Variants in CLEC2B observed in about 807,000 individuals in gnomAD.
CLEC2B encodes the protein C-type lectin domain family 2 member B.
A neutral mutation model predicts 16.2 loss-of-function variants in CLEC2B; 14 were observed. That is an observed-to-expected ratio of 0.86 (90% CI 0.57 to 1.35). The LOEUF (loss-of-function observed/expected upper bound fraction) is 1.35. CLEC2B is among the 40% of genes most tolerant of loss of function. The pLI, the probability that CLEC2B is intolerant of heterozygous loss-of-function variation, is 0.00. For synonymous variants in CLEC2B, 42 were observed against 55.8 expected, an observed-to-expected ratio of 0.75 and a Z score of 1.10; for missense variants, 166 against 182.3, an observed-to-expected ratio of 0.91 and a Z score of 0.52.
chr12:9,862,378 T>C (rs1867939521), intron 2 of CLEC2B, 121 bp downstream of exon 2: 5 of 901,390 alleles, frequency 5.5e-6, no homozygotes, highest in Non-Finnish European at 7.7e-6. Context: ...TTGTACCAAT[T>C]AAATGTTATC....
intron 1 of CLEC2B, among the ~76,000 whole-genome samples, chr12:9,863,160 G>A (rs1867946158): frequency 6.6e-6 from 1 of 151,998 alleles, no homozygotes. Flanking sequence ...CACACTACTG[G>A]GATATCCCCT....
chr12:9,857,725 T>A, intron 2 of CLEC2B, 88 bp from the exon 3 acceptor site: 1 of 1,013,746 alleles, frequency 9.9e-7, no homozygotes, highest in Non-Finnish European at 1.5e-6. Context: ...GTTTTTGATG[T>A]AAAAGATTAT....
At chr12:9,859,774 T>C (rs1867920323) in intron 2 of CLEC2B, among the ~76,000 whole-genome samples, 1 of 151,830 alleles carries the variant, frequency 6.6e-6, no homozygotes, top group South Asian at 2.1e-4. Flanking sequence ...AGATCTTTTA[T>C]GAAGACGTAG....
At chr12:9,854,180 TAGG>T (rs1472565053) in intron 4 of CLEC2B, among the ~76,000 whole-genome samples, 198 bp downstream of exon 4, 1 of 152,162 alleles carries the variant, frequency 6.6e-6, no homozygotes, top group East Asian at 1.9e-4. Context: ...AATAGCCAAC[TAGG>T]AGATCTGTTC....
At chr12:9,861,187 A>G (rs959721016) in intron 2 of CLEC2B, among the ~76,000 whole-genome samples, 2 of 152,012 alleles carry the variant, frequency 1.3e-5, no homozygotes, top group African/African-American at 4.8e-5. Context: ...TATAAACTAC[A>G]AAGAGTCTCA....
At chr12:9,857,700 G>T in intron 2 of CLEC2B, 63 bp from the exon 3 acceptor site, 2 of 1,261,224 alleles carry the variant, frequency 1.6e-6, no homozygotes, top group Non-Finnish European at 1.1e-6. Context: ...TGTGTTTTGA[G>T]ATCACTGGAC....
At chr12:9,857,703 C>G in intron 2 of CLEC2B, 66 bp from the exon 3 acceptor site, 1 of 1,218,936 alleles carries the variant, frequency 8.2e-7, no homozygotes, top group South Asian at 1.3e-5. Flanking sequence ...GTTTTGAGAT[C>G]ACTGGACACA....
At chr12:9,864,680 C>G (rs1867957645) in intron 1 of CLEC2B, among the ~76,000 whole-genome samples, 1 of 151,742 alleles carries the variant, frequency 6.6e-6, no homozygotes, top group South Asian at 2.1e-4. Flanking sequence ...AATCACAATG[C>G]AAAACCTATA....
Position 9,866,614 on chromosome 12 carries a change from G to A in CLEC2B, c.-3+2591C>T, listed in dbSNP as rs569269413. Among the ~76,000 whole-genome samples, 14 of 152,138 alleles carry A rather than the reference G, an allele frequency of 9.2e-5. 1 individual carries two copies. The South Asian group carries it at 1.0e-3, about 11-fold the overall frequency. On this transcript the variant is annotated intron_variant, in intron 1 of 4. Coordinates refer to ENST00000228438, the MANE Select transcript of CLEC2B (RefSeq NM_005127.3). The stretch of plus-strand genomic sequence containing the variant: ...TAATTATTTTGTGTGTGTTAAGAGT[G>A]TAAAGATTATTTACATTTGCAGCAA...
At chr12:9,855,776 A>C (rs917025065) in intron 3 of CLEC2B, among the ~76,000 whole-genome samples, 7 of 152,112 alleles carry the variant, frequency 4.6e-5, no homozygotes, top group Non-Finnish European at 8.8e-5. Context: ...CCTTGTTAGA[A>C]GTGCAATAAT....
At chr12:9,854,510 A>G in intron 3 of CLEC2B, 26 bp from the exon 4 acceptor site, 1 of 1,456,638 alleles carries the variant, frequency 6.9e-7, no homozygotes, top group Non-Finnish European at 9.6e-7. Flanking sequence ...TAATTTCAAA[A>G]TCATACATGC....
chr12:9,866,563 T>A (rs558296478), intron 1 of CLEC2B, among the ~76,000 whole-genome samples: 2 of 152,294 alleles, frequency 1.3e-5, no homozygotes, highest in South Asian at 4.1e-4. Flanking sequence ...TTTCTTGTGT[T>A]ATAGTTGTCC....
chr12:9,859,706 G>A (rs975854844), intron 2 of CLEC2B, among the ~76,000 whole-genome samples: 4 of 151,738 alleles, frequency 2.6e-5, no homozygotes, highest in African/African-American at 9.7e-5. Context: ...AATTTTAGAA[G>A]CCATCATAAT....
rs80085710 is a variant in CLEC2B at position 9,853,749 on chromosome 12, G to A, written c.342-341C>T. On this transcript the variant is annotated intron_variant, in intron 4 of 4. Coordinates refer to ENST00000228438, the MANE Select transcript of CLEC2B (RefSeq NM_005127.3). The stretch of plus-strand genomic sequence containing the variant: ...TTGTCTCAAGCGGAGGCAGAGGTGA[G>A]TAGGGTGGATAGTTTATCCAGGGGT... Among the ~76,000 whole-genome samples, 53 of 152,244 alleles carry A rather than the reference G, an allele frequency of 3.5e-4. No homozygotes were observed. The East Asian group carries it at 9.3e-3, about 27-fold the overall frequency.
intron 1 of CLEC2B, among the ~76,000 whole-genome samples, chr12:9,864,114 G>A (rs1434568942): frequency 1.3e-5 from 2 of 150,396 alleles, no homozygotes; most frequent in East Asian, 2.0e-4. Context: ...AGACGTCTCA[G>A]TGGAAACCAT....
intron 1 of CLEC2B, among the ~76,000 whole-genome samples, chr12:9,864,390 G>A (rs1867955521): frequency 6.6e-6 from 1 of 152,136 alleles, no homozygotes; most frequent in African/African-American, 2.4e-5. Flanking sequence ...TTAAGTGTAT[G>A]CACAAACCCA....
chr12:9,863,960 CCAAA>C (rs1371584308), intron 1 of CLEC2B, among the ~76,000 whole-genome samples: 1 of 151,884 alleles, frequency 6.6e-6, no homozygotes, highest in African/African-American at 2.4e-5. Context: ...TCAGAGAACA[CCAAA>C]CAGATTCCGA....
At chr12:9,865,739 C>T (rs1597099) in intron 1 of CLEC2B, among the ~76,000 whole-genome samples, 60,965 of 151,918 alleles carry the variant, frequency 0.4, 12,542 homozygotes, top group East Asian at 0.54. Context: ...TTCTCCAGAA[C>T]AGACCACATT....
Position 9,868,413 on chromosome 12 carries a change from A to G in CLEC2B, c.-3+792T>C, listed in dbSNP as rs934455604. 2.0e-5 allele frequency among the ~76,000 whole-genome samples: 3 copies of G among 152,066 alleles called. No individual in the cohort carries two copies. The East Asian group carries it at 5.8e-4, about 29-fold the overall frequency. The stretch of plus-strand genomic sequence containing the variant: ...AGTGTGCATTCTATTGTACCACAGC[A>G]ATAATTTTTTTGACCGTAGCATACG... On this transcript the variant is annotated intron_variant, in intron 1 of 4. Transcript: ENST00000228438.
Sources: gnomAD v4.1 joint callset for allele counts (sites outside exome capture counted in the v4.1 genomes callset) on GRCh38, gnomAD v4.1.1 for gene constraint, MANE v1.5 for transcripts, NCBI Gene and HGNC (gene_info 2026-07-23, HGNC 2026-07-21) for gene names.